TNR: variants seen among roughly 807,000 people sequenced by gnomAD.
The protein encoded by TNR is tenascin R.
In TNR, 45 loss-of-function variants were observed where a neutral mutation model predicts 150.4. That is an observed-to-expected ratio of 0.30 (90% CI 0.24 to 0.38). The LOEUF (loss-of-function observed/expected upper bound fraction) is 0.38. TNR is among the 10% of genes least tolerant of loss of function. The probability of loss-of-function intolerance (pLI) is 1.00; values close to 1 mark genes in which losing one functional copy is unlikely to be tolerated. For synonymous variants in TNR, 687 were observed against 678.4 expected (o/e 1.01, Z -0.20); for missense variants, 1,544 against 1,759.1 (o/e 0.88, Z 2.19).
intron 1 of TNR, among the ~76,000 whole-genome samples, chr1:175,739,228 G>C (rs1667855825): frequency 6.6e-6 from 1 of 152,142 alleles, no homozygotes; most frequent in South Asian, 2.1e-4. Context: ...GGAGGCAGAG[G>C]ACATCAGCAA....
chr1:175,339,075 C>T (rs1650389829), intron 18 of TNR, among the ~76,000 whole-genome samples: 1 of 152,140 alleles, frequency 6.6e-6, no homozygotes, highest in African/African-American at 2.4e-5. Flanking sequence ...TTAATTCTTG[C>T]AAGAAACTTG....
chr1:175,513,308 T>G (rs1659270693), intron 2 of TNR, among the ~76,000 whole-genome samples: 1 of 152,188 alleles, frequency 6.6e-6, no homozygotes, highest in Non-Finnish European at 1.5e-5. Context: ...ATAACTCTCC[T>G]GTCTCATCTC....
intron 18 of TNR, among the ~76,000 whole-genome samples, chr1:175,343,349 G>A (rs1408284615): frequency 6.6e-6 from 1 of 152,116 alleles, no homozygotes; most frequent in African/African-American, 2.4e-5. Flanking sequence ...CCTAGGCCTG[G>A]AATGCTCTTC....
At chr1:175,416,143 C>CACTA (rs1553218057) in intron 2 of TNR, among the ~76,000 whole-genome samples, 3 of 151,450 alleles carry the variant, frequency 2.0e-5, no homozygotes, top group African/African-American at 7.3e-5. Context: ...CACACACACA[C>CACTA]TATATATATA....
chr1:175,503,728 C>A (rs1339738821), intron 2 of TNR, among the ~76,000 whole-genome samples: 3 of 152,186 alleles, frequency 2.0e-5, no homozygotes, highest in Non-Finnish European at 2.9e-5. Context: ...TAACAGCATT[C>A]AAGCTGAGCA....
intron 1 of TNR, among the ~76,000 whole-genome samples, chr1:175,560,096 T>C (rs1447540991): frequency 2.6e-5 from 4 of 152,216 alleles, no homozygotes; most frequent in Admixed American, 2.0e-4. Flanking sequence ...ACCTTAAGTG[T>C]TTTTCACATG....
chr1:175,365,667 A>G (rs1282062679), intron 11 of TNR, among the ~76,000 whole-genome samples: 3 of 152,220 alleles, frequency 2.0e-5, no homozygotes, highest in African/African-American at 4.8e-5. Context: ...ACAAGTTTTC[A>G]GGCAGGTAAC....
At chr1:175,387,963 G>T (rs1346368438) in intron 7 of TNR, among the ~76,000 whole-genome samples, 1 of 152,202 alleles carries the variant, frequency 6.6e-6, no homozygotes, top group African/African-American at 2.4e-5. Flanking sequence ...GGTGCCACCT[G>T]GTTTGGACTT....
At chr1:175,686,372 G>T (rs1013178651) in intron 1 of TNR, among the ~76,000 whole-genome samples, 7 of 152,170 alleles carry the variant, frequency 4.6e-5, no homozygotes, top group Admixed American at 1.3e-4. Flanking sequence ...GTCATAGAGA[G>T]CACTAGTAAT....
chr1:175,396,922 G>A, intron 4 of TNR, 115 bp from the exon 5 acceptor site: 1 of 1,355,136 alleles, frequency 7.4e-7, no homozygotes, highest in Non-Finnish European at 1.0e-6. Context: ...GTCCTGCTGG[G>A]CTCAATGGCT....
chr1:175,712,946 G>T (rs1571779779), intron 1 of TNR, among the ~76,000 whole-genome samples: 1 of 152,200 alleles, frequency 6.6e-6, no homozygotes, highest in Admixed American at 6.5e-5. Context: ...TAAAGAAAAA[G>T]TCCATGATGT....
chr1:175,616,208 G>A (rs1663768691), intron 1 of TNR, among the ~76,000 whole-genome samples: 1 of 152,178 alleles, frequency 6.6e-6, no homozygotes, highest in African/African-American at 2.4e-5. Context: ...TCTGGGGGAT[G>A]CATTTTATCT....
At position 175,654,307 on chromosome 1, in the gene TNR, G is replaced by A. The variant is rs182129515; in HGVS notation, c.-165+88919C>T. Among the ~76,000 whole-genome samples, 302 of 152,266 alleles carry A rather than the reference G, an allele frequency of 2.0e-3. 2 individuals are homozygous for A. The highest frequency in any genetic ancestry group is 3.7e-3 in the Non-Finnish European group (254 of 68,024). On this transcript the variant is annotated intron_variant, in intron 1 of 22. Coordinates refer to ENST00000367674, the MANE Select transcript of TNR (RefSeq NM_003285.3). ...GCAGAAAATCCTAGGTGTTTGGAAG[G>A]CATTTAAAGTAGTACTTGTCATAGA...
chr1:175,406,120 C>T (rs145210185), intron 3 of TNR, 96 bp downstream of exon 3: 67 of 1,491,400 alleles, frequency 4.5e-5, no homozygotes, highest in East Asian at 2.0e-4. Flanking sequence ...AGTGCGTTTT[C>T]GCTGGAAGTG....
intron 1 of TNR, among the ~76,000 whole-genome samples, chr1:175,733,597 A>G (rs952664627): frequency 1.3e-5 from 2 of 151,970 alleles, no homozygotes; most frequent in African/African-American, 4.8e-5. Context: ...GGCATGGCAC[A>G]CTCTTGCTTT....
intron 1 of TNR, among the ~76,000 whole-genome samples, chr1:175,618,438 C>T (rs886663392): frequency 6.6e-6 from 1 of 152,134 alleles, no homozygotes; most frequent in Non-Finnish European, 1.5e-5. Context: ...CCCCTCTCCC[C>T]TTTAATTTTA....
At chr1:175,727,309 C>T (rs1046295315) in intron 1 of TNR, among the ~76,000 whole-genome samples, 2 of 152,146 alleles carry the variant, frequency 1.3e-5, no homozygotes, top group Non-Finnish European at 2.9e-5. Context: ...GAATAATTGT[C>T]CAATAATGCT....
chr1:175,374,989 T>C (rs1328845270), intron 9 of TNR, among the ~76,000 whole-genome samples: 1 of 152,220 alleles, frequency 6.6e-6, no homozygotes, highest in Non-Finnish European at 1.5e-5. Context: ...CCACATGCCT[T>C]TTTGATGAAA....
At chr1:175,498,184 T>C (rs1186149843) in intron 2 of TNR, among the ~76,000 whole-genome samples, 1 of 152,216 alleles carries the variant, frequency 6.6e-6, no homozygotes, top group African/African-American at 2.4e-5. Flanking sequence ...AAATGACTAA[T>C]GAGTCACCAA....
Sources: gnomAD v4.1 joint callset for allele counts (sites outside exome capture counted in the v4.1 genomes callset) on GRCh38, gnomAD v4.1.1 for gene constraint, MANE v1.5 for transcripts, NCBI Gene and HGNC (gene_info 2026-07-23, HGNC 2026-07-21) for gene names.